The following SLC35G2 variants were observed in gnomAD, a reference collection of about 807,000 sequenced individuals.
SLC35G2 encodes the protein solute carrier family 35 member G2.
In SLC35G2, 20 loss-of-function variants were observed where a neutral mutation model predicts 27.2. The ratio of observed to expected loss-of-function variants is 0.74; its 90% CI spans 0.52 to 1.07. The LOEUF (loss-of-function observed/expected upper bound fraction) is 1.07, where lower values mean the gene tolerates loss of function less well. Among genes scored for constraint, SLC35G2 ranks in the 50% least tolerant of loss-of-function variants. The pLI is 0.00. For synonymous variants in SLC35G2, 148 were observed against 165.3 expected (o/e 0.90, Z 0.80); for missense variants, 416 against 493.3 (o/e 0.84, Z 1.48).
At chr3:136,835,030 C>T (rs751800634) in intron 1 of SLC35G2, among the ~76,000 whole-genome samples, 12 of 152,296 alleles carry the variant, frequency 7.9e-5, no homozygotes, top group Non-Finnish European at 1.3e-4. Flanking sequence ...TCCTTTAAGA[C>T]AAGGACCCTC....
At chr3:136,829,992 C>A (rs1025234560) in intron 1 of SLC35G2, among the ~76,000 whole-genome samples, 2 of 151,786 alleles carry the variant, frequency 1.3e-5, no homozygotes, top group Non-Finnish European at 2.9e-5. Flanking sequence ...CATATTATTT[C>A]TTTGAATAAA....
intron 1 of SLC35G2, among the ~76,000 whole-genome samples, chr3:136,825,712 C>T (rs1936568290): frequency 6.6e-6 from 1 of 152,172 alleles, no homozygotes; most frequent in African/African-American, 2.4e-5. Context: ...TTGATTGATT[C>T]ACACATGTTG....
At chr3:136,848,783 G>T (rs112940870) in intron 1 of SLC35G2, among the ~76,000 whole-genome samples, 1 of 152,130 alleles carries the variant, frequency 6.6e-6, no homozygotes, top group African/African-American at 2.4e-5. Context: ...ACTCTGAAAC[G>T]GGTTAGAGTA....
intron 1 of SLC35G2, among the ~76,000 whole-genome samples, chr3:136,821,209 C>T (rs561577125): frequency 1.4e-5 from 2 of 147,002 alleles, no homozygotes; most frequent in South Asian, 4.5e-4. Flanking sequence ...TTTAGATGAA[C>T]ATGCATACAT....
intron 1 of SLC35G2, among the ~76,000 whole-genome samples, chr3:136,852,871 C>T (rs941590981): frequency 6.6e-6 from 1 of 151,480 alleles, no homozygotes; most frequent in Non-Finnish European, 1.5e-5. Context: ...AAAGAAAGAA[C>T]CAAGTGAAAA....
intron 1 of SLC35G2, among the ~76,000 whole-genome samples, chr3:136,824,905 T>G (rs534030398): frequency 3.9e-5 from 6 of 152,126 alleles, no homozygotes; most frequent in Non-Finnish European, 8.8e-5. Context: ...CCCCAGCCCC[T>G]GACTCCCCAC....
chr3:136,836,097 A>G (rs1936857730), intron 1 of SLC35G2, among the ~76,000 whole-genome samples: 2 of 151,990 alleles, frequency 1.3e-5, no homozygotes. Context: ...TTTTTAGGCC[A>G]TTTTAGCAGA....
At chr3:136,852,075 T>C (rs370327536) in intron 1 of SLC35G2, among the ~76,000 whole-genome samples, 32 of 152,328 alleles carry the variant, frequency 2.1e-4, no homozygotes, top group African/African-American at 7.7e-4. Context: ...AAAATTGTGG[T>C]ATCACAGACA....
At chr3:136,846,004 G>A (rs1459682329) in intron 1 of SLC35G2, among the ~76,000 whole-genome samples, 1 of 152,150 alleles carries the variant, frequency 6.6e-6, no homozygotes, top group East Asian at 1.9e-4. Context: ...ACATTTGAAA[G>A]GGTGGACTTT....
intron 1 of SLC35G2, among the ~76,000 whole-genome samples, chr3:136,826,986 T>C (rs1351080289): frequency 7.5e-6 from 1 of 132,674 alleles, no homozygotes; most frequent in Non-Finnish European, 1.7e-5. Context: ...TTTTTTTTTT[T>C]AGTATTTATT....
At chr3:136,850,321 T>C (rs555810379) in intron 1 of SLC35G2, among the ~76,000 whole-genome samples, 2 of 152,314 alleles carry the variant, frequency 1.3e-5, no homozygotes, top group East Asian at 1.9e-4. Flanking sequence ...CTCCTGATAA[T>C]GCACTCATGG....
At chr3:136,823,582 TTC>T (rs1290993991) in intron 1 of SLC35G2, among the ~76,000 whole-genome samples, 5 of 152,010 alleles carry the variant, frequency 3.3e-5, no homozygotes. Flanking sequence ...GATTTGATTT[TTC>T]TTTTTCTTTT....
chr3:136,848,238 AG>A (rs1198488031), intron 1 of SLC35G2, among the ~76,000 whole-genome samples: 2 of 152,240 alleles, frequency 1.3e-5, no homozygotes, highest in Non-Finnish European at 2.9e-5. Flanking sequence ...AGCAAACAAA[AG>A]GGACTTTTAT....
intron 1 of SLC35G2, among the ~76,000 whole-genome samples, chr3:136,848,234 CA>C (rs1937481900): frequency 6.6e-6 from 1 of 152,192 alleles, no homozygotes; most frequent in Non-Finnish European, 1.5e-5. Context: ...TTACAGCAAA[CA>C]AAAGGGACTT....
chr3:136,829,832 C>T (rs559221160), intron 1 of SLC35G2, among the ~76,000 whole-genome samples: 23 of 152,116 alleles, frequency 1.5e-4, no homozygotes, highest in African/African-American at 5.1e-4. Context: ...TTTTCTCTTG[C>T]TGCTTTTAGG....
intron 1 of SLC35G2, chr3:136,842,309 A>C (rs749713186): frequency 1.3e-5 from 2 of 152,190 alleles, no homozygotes; most frequent in Non-Finnish European, 2.9e-5. Context: ...TCAAATGACA[A>C]AGAGATGTGA....
chr3:136,855,248 T>C lies in SLC35G2; in HGVS notation c.788T>C (p.Met263Thr). 1.9e-6 allele frequency: 3 copies of C among 1,614,216 alleles called. No homozygotes were observed. Among genetic ancestry groups the C allele is most frequent in the Non-Finnish European group, 1.7e-6 (2 of 1,180,028 alleles). The change falls in exon 2 of 2, where the codon ATG becomes ACG. Residue 263 changes from methionine to threonine, a missense_variant. Physicochemically the swap from Met to Thr is moderately conservative, Grantham distance 81. Transcript: ENST00000446465. Reference sequence around the variant, plus strand: ...GCCTTTGGGTACACCATGACTGTGATGGCTGGACTGACCACTGCTCTCTCA... The same window carrying C: ...GCCTTTGGGTACACCATGACTGTGACGGCTGGACTGACCACTGCTCTCTCA... ...KEAFGYTMTV[M>T]AGLTTALSMI... is the part of the protein sequence containing the mutation.
chr3:136,829,384 G>C (rs1936668209), intron 1 of SLC35G2, among the ~76,000 whole-genome samples: 1 of 152,138 alleles, frequency 6.6e-6, no homozygotes, highest in African/African-American at 2.4e-5. Flanking sequence ...ACTATGCCCG[G>C]CTAATTTTTG....
At position 136,855,441 on chromosome 3, in the gene SLC35G2, T is replaced by C; in HGVS notation, c.981T>C (p.Cys327=). Residue 327 remains cysteine, a synonymous_variant, in exon 2 of 2, where the codon TGT becomes TGC. Coordinates refer to ENST00000446465, the MANE Select transcript of SLC35G2 (RefSeq NM_025246.3). ...TWSYLIAICV[C]STAAFLGVYY... ...GTTATCTCATTGCTATATGTGTCTG[T>C]TCTACTGCAGCATTCTTAGGAGTTT... 1 of 1,614,204 alleles carries C rather than the reference T, an allele frequency of 6.2e-7. No individual in the cohort carries two copies. The highest frequency in any genetic ancestry group is 1.3e-5 in the African/African-American group (1 of 75,066).
Sources: allele counts gnomAD v4.1 joint callset (sites outside exome capture counted in the v4.1 genomes callset), GRCh38; gene constraint gnomAD v4.1.1; transcripts MANE v1.5; gene names NCBI Gene and HGNC (gene_info 2026-07-23, HGNC 2026-07-21).